PTGER3: variants seen among roughly 807,000 people sequenced by gnomAD.
The protein encoded by PTGER3 is prostaglandin E receptor 3.
PTGER3 carries 22 observed loss-of-function variants against 34.7 expected under a neutral mutation model. The observed-to-expected ratio is 0.63, with a 90% CI of 0.45 to 0.91. The LOEUF (loss-of-function observed/expected upper bound fraction) is 0.91, where lower values mean the gene tolerates loss of function less well. Among genes scored for constraint, PTGER3 ranks in the 40% least tolerant of loss-of-function variants. The pLI is 0.00. For missense variants in PTGER3, 468 were observed against 519.4 expected (o/e 0.90, Z 0.96); for synonymous variants, 241 against 230.1 (o/e 1.05, Z -0.43).
At position 70,963,543 on chromosome 1, in the gene PTGER3, G is replaced by C. The variant is rs143777497; in HGVS notation, c.1078-9754C>G. ...TTTGTGTACCTGCAGGCCCAACACC[G>C]TGTGGAAGCTGCCAAGGCCCAGGGC... On this transcript the variant is annotated intron_variant, in intron 2 of 3. Coordinates refer to the PTGER3 transcript ENST00000356595. 5.3e-4 allele frequency among the ~76,000 whole-genome samples: 80 copies of C among 152,300 alleles called. No homozygotes were observed. In the East Asian group the frequency reaches 0.014, roughly 27 times the overall value.
At chr1:71,009,617 T>C (rs760510595) in intron 2 of PTGER3, 176 of 985,096 alleles carry the variant, frequency 1.8e-4, no homozygotes, top group Non-Finnish European at 2.0e-4. Flanking sequence ...CTTGGTAAAA[T>C]TGACACTTGC....
intron 4 of PTGER3, among the ~76,000 whole-genome samples, chr1:70,908,011 A>G (rs900468434): frequency 3.9e-5 from 6 of 152,136 alleles, no homozygotes; most frequent in African/African-American, 1.2e-4. Flanking sequence ...TGATTCTCTG[A>G]CCATATTGTC....
intron 1 of PTGER3, among the ~76,000 whole-genome samples, chr1:71,014,689 AGG>A (rs1434068086): frequency 6.6e-6 from 1 of 152,218 alleles, no homozygotes; most frequent in Non-Finnish European, 1.5e-5. Context: ...AGCCAGGAAA[AGG>A]GCCTTCACCA....
chr1:70,995,819 T>C (rs753038673), intron 2 of PTGER3, among the ~76,000 whole-genome samples: 68 of 152,304 alleles, frequency 4.5e-4, no homozygotes, highest in Non-Finnish European at 9.3e-4. Context: ...CTAATATAAC[T>C]CCTAAATATA....
chr1:70,953,704 G>A, intron 3 of PTGER3: 9 of 1,537,390 alleles, frequency 5.9e-6, no homozygotes, highest in Non-Finnish European at 7.9e-6. Context: ...ACAGTTGGCA[G>A]AAAGTGAAGA....
intron 4 of PTGER3, among the ~76,000 whole-genome samples, chr1:70,876,267 C>T (rs1419944406): frequency 2.0e-5 from 3 of 147,728 alleles, no homozygotes; most frequent in East Asian, 4.0e-4. Flanking sequence ...ATGTCCATGC[C>T]TACTTTTTAA....
intron 1 of PTGER3, among the ~76,000 whole-genome samples, chr1:71,027,914 C>T (rs1179020390): frequency 1.3e-5 from 2 of 152,198 alleles, no homozygotes; most frequent in African/African-American, 4.8e-5. Context: ...GGATTAATCA[C>T]ATTTCAAGAG....
At chr1:71,019,652 T>C (rs556556758) in intron 1 of PTGER3, among the ~76,000 whole-genome samples, 138 of 152,340 alleles carry the variant, frequency 9.1e-4, no homozygotes, top group African/African-American at 3.2e-3. Context: ...AGGGAGGCTG[T>C]CTTTAATATT....
intron 2 of PTGER3, among the ~76,000 whole-genome samples, chr1:70,957,143 G>T (rs1033304769): frequency 6.6e-6 from 1 of 152,172 alleles, no homozygotes; most frequent in African/African-American, 2.4e-5. Context: ...TCTGTTTTCG[G>T]TAATAACATC....
At chr1:70,964,176 G>T (rs368771384) in intron 2 of PTGER3, among the ~76,000 whole-genome samples, 1 of 152,000 alleles carries the variant, frequency 6.6e-6, no homozygotes, top group Non-Finnish European at 1.5e-5. Flanking sequence ...ATACTTTCCC[G>T]CATCTTTCTG....
At chr1:70,928,868 TACACACAC>T (rs34765576) in intron 4 of PTGER3, among the ~76,000 whole-genome samples, 5 of 147,268 alleles carry the variant, frequency 3.4e-5, no homozygotes, top group East Asian at 2.0e-4. Context: ...AATTTACAGA[TACACACAC>T]ACACACACAC....
intron 4 of PTGER3, among the ~76,000 whole-genome samples, chr1:70,924,685 G>C (rs1299139431): frequency 6.6e-6 from 1 of 152,064 alleles, no homozygotes; most frequent in Admixed American, 6.6e-5. Flanking sequence ...TACTCTTTTT[G>C]TAGGAATTCA....
At chr1:70,881,779 A>G (rs1057473915) in intron 4 of PTGER3, among the ~76,000 whole-genome samples, 2 of 152,210 alleles carry the variant, frequency 1.3e-5, no homozygotes, top group Non-Finnish European at 2.9e-5. Context: ...CAGAGGTTGC[A>G]GTTAGCAGAC....
intron 2 of PTGER3, among the ~76,000 whole-genome samples, chr1:70,994,601 G>C (rs1259467957): frequency 6.6e-6 from 1 of 152,002 alleles, no homozygotes; most frequent in Admixed American, 6.5e-5. Flanking sequence ...GGGAGTACAA[G>C]TGTGCACCAC....
chr1:70,914,188 C>G (rs963600473), intron 4 of PTGER3, among the ~76,000 whole-genome samples: 3 of 151,776 alleles, frequency 2.0e-5, no homozygotes, highest in African/African-American at 4.8e-5. Context: ...GAAACAAGAA[C>G]AGTACATCTG....
In PTGER3 at chr1:70,923,626, C is replaced by A. The variant is rs538028328; in HGVS notation, c.*23+30137G>T. 7.8e-4 allele frequency among the ~76,000 whole-genome samples: 119 copies of A among 152,266 alleles called. 1 individual carries two copies. Among genetic ancestry groups the A allele is most frequent in the African/African-American group, 2.8e-3 (116 of 41,574 alleles). On this transcript the variant is annotated intron_variant, in intron 4 of 4. Transcript: ENST00000370931. ...CTGCATGGACTAAACTAATAGAAGT[C>A]TAAAGTAATCTTTTAAATTTTTCTT...
chr1:70,865,219 T>C (rs975248406), intron 4 of PTGER3, among the ~76,000 whole-genome samples: 1 of 152,150 alleles, frequency 6.6e-6, no homozygotes, highest in African/African-American at 2.4e-5. Context: ...CCCTAAGGCA[T>C]TGAGACCTAA....
chr1:71,014,878 A>G (rs528029722), intron 1 of PTGER3, among the ~76,000 whole-genome samples: 181 of 152,308 alleles, frequency 1.2e-3, no homozygotes, highest in African/African-American at 4.2e-3. Context: ...CCCAGCTGTG[A>G]TCAAATCCTC....
chr1:70,947,328 C>T (rs934700883), intron 4 of PTGER3: 1 of 152,084 alleles, frequency 6.6e-6, no homozygotes, highest in Admixed American at 6.6e-5. Flanking sequence ...ATGCTAGTCT[C>T]ATGATAGTGA....
Sources: allele counts gnomAD v4.1 joint callset (sites outside exome capture counted in the v4.1 genomes callset), GRCh38; gene constraint gnomAD v4.1.1; transcripts MANE v1.5; gene names NCBI Gene and HGNC (gene_info 2026-07-23, HGNC 2026-07-21).